Variants in NCALD observed in about 807,000 individuals in gnomAD.
The protein encoded by NCALD is neurocalcin-delta.
A neutral mutation model predicts 18.6 loss-of-function variants in NCALD; 10 were observed. The ratio of observed to expected loss-of-function variants is 0.54; its 90% CI spans 0.33 to 0.91. The LOEUF (loss-of-function observed/expected upper bound fraction) is 0.91. Among genes scored for constraint, NCALD ranks in the 40% least tolerant of loss-of-function variants. NCALD has a pLI of 0.03. For missense variants in NCALD, 184 were observed against 247.6 expected (o/e 0.74, Z 1.72); for synonymous variants, 88 against 87.4 (o/e 1.01, Z -0.04).
chr8:101,942,191 C>T (rs752279502), intron 2 of NCALD, among the ~76,000 whole-genome samples: 43 of 152,268 alleles, frequency 2.8e-4, no homozygotes, highest in Admixed American at 1.8e-3. Flanking sequence ...CATGTTCTGA[C>T]TGCACTTGGT....
intron 1 of NCALD, among the ~76,000 whole-genome samples, chr8:101,747,718 A>ATT (rs11415124): frequency 1.6e-4 from 22 of 139,928 alleles, no homozygotes; most frequent in African/African-American, 3.4e-4. Context: ...AGGAAAAGTG[A>ATT]TTTTTTTTTT....
At chr8:101,968,621 A>C (rs1198517632) in intron 2 of NCALD, among the ~76,000 whole-genome samples, 2 of 152,024 alleles carry the variant, frequency 1.3e-5, no homozygotes, top group African/African-American at 4.8e-5. Flanking sequence ...TAATGCCTGC[A>C]CTGTTATGGC....
intron 1 of NCALD, among the ~76,000 whole-genome samples, chr8:102,041,789 A>G (rs780883524): frequency 4.9e-4 from 74 of 149,740 alleles, no homozygotes; most frequent in Non-Finnish European, 9.6e-4. Context: ...GGAACCACAC[A>G]GCAGTCTGAA....
chr8:101,895,205 C>G (rs572747508), intron 3 of NCALD, among the ~76,000 whole-genome samples: 2 of 149,642 alleles, frequency 1.3e-5, no homozygotes, highest in East Asian at 1.9e-4. Context: ...AAGGCTGGTT[C>G]GATATACGCA....
upstream of NCALD, among the ~76,000 whole-genome samples, chr8:101,791,503 C>T (rs1001690052): frequency 6.6e-6 from 1 of 152,042 alleles, no homozygotes; most frequent in Non-Finnish European, 1.5e-5. Flanking sequence ...CATGGATATA[C>T]TGAGACCATG....
At position 101,990,444 on chromosome 8, in the gene NCALD, G is replaced by C. The variant is rs555510741; in HGVS notation, c.-157+29793C>G. On this transcript the variant is annotated intron_variant, in intron 2 of 6. Transcript: ENST00000311028. ...CTAAGCCACTGATATGGTTTGGCCA[G>C]TGTCCCCACCCAAATCTCATCTTGA... Among the ~76,000 whole-genome samples the C allele has an allele frequency of 2.0e-5, 3 of 152,296 alleles. 1 individual carries two copies. The highest frequency in any genetic ancestry group is 7.2e-5 in the African/African-American group (3 of 41,560).
intron 2 of NCALD, among the ~76,000 whole-genome samples, chr8:101,978,716 A>T (rs1435341504): frequency 6.6e-6 from 1 of 152,280 alleles, no homozygotes; most frequent in African/African-American, 2.4e-5. Flanking sequence ...GGGCAGGCAG[A>T]CTGCTTGTCT....
At chr8:101,872,100 A>C (rs1816045364) in intron 4 of NCALD, 1 of 1,590,260 alleles carries the variant, frequency 6.3e-7, no homozygotes, top group African/African-American at 1.3e-5. Flanking sequence ...AGGTGGTTGA[A>C]TTGGCTTTGA....
At chr8:101,956,278 T>C (rs1819619600) in intron 2 of NCALD, among the ~76,000 whole-genome samples, 1 of 152,114 alleles carries the variant, frequency 6.6e-6, no homozygotes, top group South Asian at 2.1e-4. Context: ...CTCAGGCTGG[T>C]TACATGCCAA....
At chr8:102,092,239 T>A (rs373043765) in intron 1 of NCALD, among the ~76,000 whole-genome samples, 13 of 152,362 alleles carry the variant, frequency 8.5e-5, no homozygotes, top group African/African-American at 3.1e-4. Flanking sequence ...GAACTTACTC[T>A]GTATGGTCTA....
chr8:102,026,354 A>C (rs890132907), intron 1 of NCALD, among the ~76,000 whole-genome samples: 2 of 152,226 alleles, frequency 1.3e-5, no homozygotes, highest in Non-Finnish European at 2.9e-5. Flanking sequence ...ATTACTTCCT[A>C]GATACAATAG....
intron 4 of NCALD, among the ~76,000 whole-genome samples, chr8:101,857,579 A>T (rs1433835909): frequency 6.6e-6 from 1 of 152,206 alleles, no homozygotes; most frequent in African/African-American, 2.4e-5. Context: ...TGCTATTTCC[A>T]GAGGAAAAGA....
chr8:101,974,073 C>T (rs558268619), intron 2 of NCALD, among the ~76,000 whole-genome samples: 1 of 152,130 alleles, frequency 6.6e-6, no homozygotes, highest in African/African-American at 2.4e-5. Context: ...GCTATGTTAA[C>T]AAGTGGCCAG....
intron 1 of NCALD, among the ~76,000 whole-genome samples, chr8:101,765,704 G>A (rs991628838): frequency 3.9e-5 from 6 of 152,122 alleles, no homozygotes; most frequent in Non-Finnish European, 7.4e-5. Flanking sequence ...GGCAGGGACC[G>A]CAACAGCGAG....
intron 1 of NCALD, among the ~76,000 whole-genome samples, chr8:102,116,958 G>A (rs1181104548): frequency 6.6e-6 from 1 of 152,190 alleles, no homozygotes; most frequent in African/African-American, 2.4e-5. Flanking sequence ...TAAAAGATGC[G>A]CAGAGGAGAG....
chr8:101,872,866 T>C (rs1231219825), intron 4 of NCALD, among the ~76,000 whole-genome samples: 1 of 152,300 alleles, frequency 6.6e-6, no homozygotes, highest in East Asian at 1.9e-4. Context: ...TATCATACTT[T>C]GGGCCTCCAA....
intron 4 of NCALD, among the ~76,000 whole-genome samples, chr8:101,878,460 GT>G (rs1023227139): frequency 6.6e-6 from 1 of 152,088 alleles, no homozygotes; most frequent in Non-Finnish European, 1.5e-5. Context: ...ATATAATTTT[GT>G]TTTTTACAGG....
chr8:101,783,205 C>G (rs977665801), intron 1 of NCALD, among the ~76,000 whole-genome samples: 1 of 152,096 alleles, frequency 6.6e-6, no homozygotes, highest in Non-Finnish European at 1.5e-5. Flanking sequence ...TGAGAGTCTT[C>G]TTAAGGGAAG....
intron 3 of NCALD, among the ~76,000 whole-genome samples, chr8:101,890,003 C>G (rs1816814161): frequency 6.6e-6 from 1 of 152,080 alleles, no homozygotes. Context: ...AAAAGGAAGG[C>G]AAAGTTGATA....
Sources: allele counts gnomAD v4.1 joint callset (sites outside exome capture counted in the v4.1 genomes callset), GRCh38; gene constraint gnomAD v4.1.1; transcripts MANE v1.5; gene names NCBI Gene and HGNC (gene_info 2026-07-23, HGNC 2026-07-21).